The following RALGPS1 variants were observed in gnomAD, a reference collection of about 807,000 sequenced individuals.
RALGPS1 encodes ras-specific guanine nucleotide-releasing factor RalGPS1.
Under a neutral mutation model 78.8 loss-of-function variants are expected in RALGPS1, and 19 were observed. The ratio of observed to expected loss-of-function variants is 0.24; its 90% confidence interval spans 0.17 to 0.35. The LOEUF is 0.35. Among genes scored for constraint, RALGPS1 ranks in the 10% least tolerant of loss-of-function variants. RALGPS1 has a pLI of 1.00. For synonymous variants in RALGPS1, 228 were observed against 256.3 expected (o/e 0.89, Z 1.06); for missense variants, 454 against 688.3 (o/e 0.66, Z 3.81).
At chr9:126,963,339 ATATATG>A (rs1327929830) in intron 2 of RALGPS1, among the ~76,000 whole-genome samples, 1 of 152,194 alleles carries the variant, frequency 6.6e-6, no homozygotes, top group East Asian at 1.9e-4. Context: ...CTGTATGTGT[ATATATG>A]TATATGTGTG....
In RALGPS1 at chr9:127,174,726, G is replaced by C; in HGVS notation, c.854G>C (p.Arg285Thr). Residue 285 changes from arginine to threonine, a missense_variant, in exon 11 of 19, where the codon AGA (arginine) becomes ACA (threonine). By Grantham distance (71) the Arg-to-Thr change is moderately conservative. Transcript: ENST00000259351. ...ATCTTTGTTTTCAGACTGTCGCTCA[G>C]AATCGAACCAGGAAGCAGCTCTCCA... The part of the protein sequence containing the change: ...VEDDNYKLSL[R>T]IEPGSSSPRL... 6.2e-7 allele frequency: 1 copy of C among 1,614,156 alleles called. No individual in the cohort carries two copies. Among genetic ancestry groups the C allele is most frequent in the Non-Finnish European group, 8.5e-7 (1 of 1,180,022 alleles).
At chr9:127,163,401 T>C (rs1483970756) in intron 8 of RALGPS1, among the ~76,000 whole-genome samples, 1 of 152,150 alleles carries the variant, frequency 6.6e-6, no homozygotes, top group African/African-American at 2.4e-5. Flanking sequence ...GGATTCAAAC[T>C]CACCAAACTT....
chr9:127,168,815 T>A (rs1208905646), intron 10 of RALGPS1, 43 bp downstream of exon 10: 32 of 1,523,438 alleles, frequency 2.1e-5, no homozygotes, highest in Non-Finnish European at 2.8e-5. Context: ...CCAGCCCCAC[T>A]TTTGTCCTTA....
At chr9:126,928,336 A>G (rs1216806293) in intron 1 of RALGPS1, among the ~76,000 whole-genome samples, 2 of 152,184 alleles carry the variant, frequency 1.3e-5, no homozygotes, top group Admixed American at 1.3e-4. Context: ...AGGACTGACC[A>G]TCGTGGTGTG....
chr9:127,202,311 G>A (rs1197351041), intron 14 of RALGPS1, among the ~76,000 whole-genome samples: 1 of 152,176 alleles, frequency 6.6e-6, no homozygotes, highest in African/African-American at 2.4e-5. Flanking sequence ...ATGCCCGTCT[G>A]GTGAATTTGC....
At chr9:126,974,249 A>G (rs1230594532) in intron 3 of RALGPS1, among the ~76,000 whole-genome samples, 2 of 152,188 alleles carry the variant, frequency 1.3e-5, no homozygotes, top group African/African-American at 2.4e-5. Flanking sequence ...TTCAAAAGGA[A>G]CAGAACAGTT....
chr9:126,956,812 A>G (rs893539954), intron 1 of RALGPS1, among the ~76,000 whole-genome samples: 2 of 152,242 alleles, frequency 1.3e-5, no homozygotes, highest in African/African-American at 4.8e-5. Flanking sequence ...AAATTGTATG[A>G]TAACACTGAC....
In RALGPS1 at chr9:126,977,582, T is replaced by A. The variant is rs186754423; in HGVS notation, c.166-113T>A. 6 of 637,098 alleles carry A rather than the reference T, an allele frequency of 9.4e-6. No individual in the cohort carries two copies. The East Asian group carries it at 1.9e-4, about 20-fold the overall frequency. 39.5% of individuals were successfully genotyped at this position (637,098 alleles called of 1,614,324 possible). On this transcript the variant is annotated intron_variant, in intron 3 of 18. Coordinates refer to ENST00000259351, the MANE Select transcript of RALGPS1 (RefSeq NM_014636.3). ...TTTTACTCTATTTGGTCTTGTTTTTTATCTCAAAGGGGAAAGTATAACTTT... is the reference window on the plus strand; with the variant it reads ...TTTTACTCTATTTGGTCTTGTTTTTAATCTCAAAGGGGAAAGTATAACTTT...
At position 127,148,077 on chromosome 9, in the gene RALGPS1, C is replaced by T. The variant is rs1017247850; in HGVS notation, c.611-17992C>T. On this transcript the variant is annotated intron_variant, in intron 8 of 18. Transcript: ENST00000259351. ...CTTCACATAGACCAGGAATTGGTAG[C>T]ACTACTGATATATAATTATACTTTT... Among the ~76,000 whole-genome samples the T allele has an allele frequency of 1.9e-4, 29 of 152,194 alleles. 1 individual carries two copies. Among genetic ancestry groups the T allele is most frequent in the Admixed American group, 6.5e-5 (1 of 15,276 alleles).
At chr9:127,188,293 AC>A (rs887877884) in intron 11 of RALGPS1, among the ~76,000 whole-genome samples, 14 of 151,726 alleles carry the variant, frequency 9.2e-5, no homozygotes, top group African/African-American at 3.1e-4. Context: ...CAAACTCCTG[AC>A]CTCGTGATCC....
chr9:127,204,015 G>A (rs1053518793), intron 14 of RALGPS1, among the ~76,000 whole-genome samples: 5 of 152,142 alleles, frequency 3.3e-5, no homozygotes, highest in South Asian at 2.1e-4. Flanking sequence ...CCAGCCATGC[G>A]GGGGGACCTG....
intron 8 of RALGPS1, among the ~76,000 whole-genome samples, chr9:127,153,375 CT>C (rs60308901): frequency 0.33 from 33,447 of 101,972 alleles, 4,923 homozygotes; most frequent in East Asian, 0.65. Flanking sequence ...TAGAGGATTA[CT>C]TTTTTTTTTT....
At chr9:127,029,759 C>T (rs1589111091) in intron 4 of RALGPS1, among the ~76,000 whole-genome samples, 2 of 152,344 alleles carry the variant, frequency 1.3e-5, no homozygotes. Flanking sequence ...ACTCCCCAGT[C>T]TCCTTTCCCA....
At chr9:127,185,780 C>T (rs2060605213) in intron 11 of RALGPS1, among the ~76,000 whole-genome samples, 1 of 152,146 alleles carries the variant, frequency 6.6e-6, no homozygotes, top group South Asian at 2.1e-4. Context: ...ACTGGAAACT[C>T]ATCTTTCTAA....
At chr9:126,987,486 T>C (rs571967023) in intron 4 of RALGPS1, among the ~76,000 whole-genome samples, 1 of 152,308 alleles carries the variant, frequency 6.6e-6, no homozygotes, top group African/African-American at 2.4e-5. Context: ...CTTCCCTCAG[T>C]TCTGTGCTCT....
chr9:127,158,269 C>G (rs560660130), intron 8 of RALGPS1, among the ~76,000 whole-genome samples: 1 of 151,812 alleles, frequency 6.6e-6, no homozygotes, highest in African/African-American at 2.4e-5. Context: ...GCAGTTTCTG[C>G]GATTAAAAGT....
chr9:127,038,345 A>G (rs1334326207), intron 5 of RALGPS1, among the ~76,000 whole-genome samples: 1 of 152,258 alleles, frequency 6.6e-6, no homozygotes, highest in Non-Finnish European at 1.5e-5. Context: ...AGGCTCTGCA[A>G]AGTGAAACAA....
rs567356107 is a variant in RALGPS1 at position 127,083,612 on chromosome 9, G to A, written c.610+14256G>A. Among the ~76,000 whole-genome samples, 4 of 152,260 alleles carry A rather than the reference G, an allele frequency of 2.6e-5. No homozygotes were observed. The East Asian group carries it at 5.8e-4, about 22-fold the overall frequency. On this transcript the variant is annotated intron_variant, in intron 8 of 18. Transcript: ENST00000259351. ...GCCCATGGACTTGGGGAGATACCTC[G>A]TGTCCTTATGTAACCAGCTTATTAA...
chr9:127,129,441 T>TGG (rs146995259), intron 8 of RALGPS1, among the ~76,000 whole-genome samples: 2 of 151,972 alleles, frequency 1.3e-5, no homozygotes, highest in East Asian at 3.9e-4. Context: ...TTATAGTCAG[T>TGG]GGGGGGGGAT....
Sources: allele counts gnomAD v4.1 joint callset (sites outside exome capture counted in the v4.1 genomes callset), GRCh38; gene constraint gnomAD v4.1.1; transcripts MANE v1.5; gene names NCBI Gene and HGNC (gene_info 2026-07-23, HGNC 2026-07-21).